Variants in ENOX2 observed in about 807,000 individuals in gnomAD.
The protein encoded by ENOX2 is ecto-NOX disulfide-thiol exchanger 2, also known as APK1 antigen.
ENOX2 carries 36 observed loss-of-function variants against 45.0 expected under a neutral mutation model. The observed-to-expected ratio is 0.80, with a 90% CI of 0.61 to 1.06. ENOX2 has a LOEUF of 1.06. Ranked by LOEUF, ENOX2 falls within the 50% of genes least tolerant of loss-of-function variation. The pLI is 0.00. For missense variants in ENOX2, 423 were observed against 462.5 expected (o/e 0.91, Z 0.78); for synonymous variants, 174 against 152.3 (o/e 1.14, Z -1.05).
At chrX:130,859,017 G>A (rs2078363464) in intron 2 of ENOX2, among the ~76,000 whole-genome samples, 1 of 112,323 alleles carries the variant, frequency 8.9e-6, no homozygotes, top group South Asian at 3.7e-4. Context: ...GGCAAGATAC[G>A]ATCACTGTCC....
intron 3 of ENOX2, among the ~76,000 whole-genome samples, chrX:130,760,809 A>G (rs2039470110): frequency 9.9e-6 from 1 of 101,521 alleles, no homozygotes; most frequent in Non-Finnish European, 2.0e-5. Context: ...AAAAAAAAAA[A>G]AAAAAAAAAA....
At chrX:130,676,284 A>G (rs756797344) in intron 6 of ENOX2, among the ~76,000 whole-genome samples, 12 of 110,689 alleles carry the variant, frequency 1.1e-4, no homozygotes, top group African/African-American at 3.6e-4. Flanking sequence ...AAAAATGAAG[A>G]TCTCCACATT....
chrX:130,887,296 C>T (rs1325725166), intron 2 of ENOX2, among the ~76,000 whole-genome samples: 1 of 111,475 alleles, frequency 9.0e-6, no homozygotes, highest in Non-Finnish European at 1.9e-5. Context: ...TCTCTCCTTA[C>T]CCTCTTCTCT....
intron 2 of ENOX2, among the ~76,000 whole-genome samples, chrX:130,819,780 G>A (rs1414556385): frequency 9.0e-6 from 1 of 111,166 alleles, no homozygotes; most frequent in Non-Finnish European, 1.9e-5. Flanking sequence ...GTTGATGGGT[G>A]CAGCAAACCA....
chrX:130,656,756 G>A, intron 9 of ENOX2, 61 bp from the exon 10 acceptor site: 1 of 658,183 alleles, frequency 1.5e-6, no homozygotes, highest in Non-Finnish European at 2.4e-6. Context: ...GGAAATGAAT[G>A]GAGTTAAGGA....
chrX:130,630,437 T>TAATC (rs1201769742), intron 13 of ENOX2, among the ~76,000 whole-genome samples: 2 of 110,622 alleles, frequency 1.8e-5, no homozygotes, highest in African/African-American at 6.6e-5. Flanking sequence ...GAGATTGAGC[T>TAATC]AATCACCAAT....
chrX:130,778,870 T>A (rs1252864606), intron 3 of ENOX2, among the ~76,000 whole-genome samples: 1 of 112,549 alleles, frequency 8.9e-6, no homozygotes, highest in Non-Finnish European at 1.9e-5. Context: ...CACACCTGGA[T>A]GCTCACTTTG....
At chrX:130,725,639 G>T (rs2038586795) in intron 3 of ENOX2, among the ~76,000 whole-genome samples, 1 of 110,035 alleles carries the variant, frequency 9.1e-6, no homozygotes. Context: ...CTTATCTGCT[G>T]GGAGACTGAC....
In ENOX2 at chrX:130,827,125, C is replaced by T. The variant is rs185352656; in HGVS notation, c.-182-43435G>A. Among the ~76,000 whole-genome samples, 12 of 112,164 alleles carry T rather than the reference C, an allele frequency of 1.1e-4. No homozygotes were observed. The South Asian group carries it at 1.8e-3, about 17-fold the overall frequency. On this transcript the variant is annotated intron_variant, in intron 2 of 14. Coordinates refer to ENST00000394363, the MANE Select transcript of ENOX2 (RefSeq NM_006375.4). ...TTTTATGAGTTAGAAAAGTAATCAA[C>T]GAGCAAAAGCAGTTCATGCTAGGCC...
intron 2 of ENOX2, among the ~76,000 whole-genome samples, chrX:130,807,605 T>A (rs1248467063): frequency 9.0e-6 from 1 of 111,607 alleles, no homozygotes; most frequent in Non-Finnish European, 1.9e-5. Flanking sequence ...GGACTTATAT[T>A]CTCTCTATAG....
intron 2 of ENOX2, among the ~76,000 whole-genome samples, chrX:130,837,892 G>A (rs1315644931): frequency 1.8e-5 from 2 of 111,803 alleles, no homozygotes; most frequent in African/African-American, 6.5e-5. Context: ...ATTTACAACT[G>A]CTACTATCAC....
chrX:130,898,582 T>C (rs758808996), intron 2 of ENOX2, among the ~76,000 whole-genome samples: 2 of 110,724 alleles, frequency 1.8e-5, no homozygotes, highest in Non-Finnish European at 1.9e-5. Context: ...TGATGTGAAT[T>C]TTCTCTTAAT....
intron 3 of ENOX2, among the ~76,000 whole-genome samples, chrX:130,739,648 G>A (rs2038935768): frequency 8.9e-6 from 1 of 112,233 alleles, no homozygotes; most frequent in African/African-American, 3.2e-5. Context: ...CCACCGAGGT[G>A]AGGAGAATAG....
At chrX:130,771,716 G>A (rs1433349186) in intron 3 of ENOX2, among the ~76,000 whole-genome samples, 2 of 111,910 alleles carry the variant, frequency 1.8e-5, no homozygotes, top group Non-Finnish European at 3.8e-5. Flanking sequence ...TCTTCTGAAA[G>A]TCTAGCTCAG....
At chrX:130,704,308 A>G (rs1195609573) in intron 3 of ENOX2, among the ~76,000 whole-genome samples, 2 of 111,799 alleles carry the variant, frequency 1.8e-5, no homozygotes, top group Non-Finnish European at 3.8e-5. Context: ...AGATTTATAT[A>G]GAGCATGTCA....
At chrX:130,728,969 G>A (rs1182875957) in intron 3 of ENOX2, among the ~76,000 whole-genome samples, 1 of 111,789 alleles carries the variant, frequency 8.9e-6, no homozygotes, top group African/African-American at 3.3e-5. Context: ...GGAAACTGAA[G>A]TCTGTGGACT....
intron 2 of ENOX2, among the ~76,000 whole-genome samples, chrX:130,885,598 C>T (rs1357438990): frequency 8.9e-6 from 1 of 111,948 alleles, no homozygotes; most frequent in Non-Finnish European, 1.9e-5. Context: ...GTCATAAAAG[C>T]CACCTAGTTA....
intron 3 of ENOX2, among the ~76,000 whole-genome samples, chrX:130,752,820 C>T (rs924853231): frequency 6.3e-5 from 7 of 110,906 alleles, no homozygotes; most frequent in Admixed American, 1.9e-4. Flanking sequence ...CTCTTTCTCT[C>T]GCTATCTCAC....
chrX:130,823,498 C>T (rs781703389), intron 2 of ENOX2, among the ~76,000 whole-genome samples: 2 of 112,177 alleles, frequency 1.8e-5, no homozygotes, highest in Non-Finnish European at 3.8e-5. Flanking sequence ...GATCAAAAGT[C>T]ATGATACAGA....
Sources: allele counts gnomAD v4.1 joint callset (sites outside exome capture counted in the v4.1 genomes callset), GRCh38; gene constraint gnomAD v4.1.1; transcripts MANE v1.5; gene names NCBI Gene and HGNC (gene_info 2026-07-23, HGNC 2026-07-21).